The following NBAS variants were observed in gnomAD, a reference collection of about 807,000 sequenced individuals.
The protein encoded by NBAS is NBAS subunit of NRZ tethering complex.
In NBAS, 219 loss-of-function variants were observed where a neutral mutation model predicts 302.5. The observed-to-expected ratio is 0.72, with a 90% CI of 0.65 to 0.81. NBAS has a LOEUF of 0.81. Among genes scored for constraint, NBAS ranks in the 30% least tolerant of loss-of-function variants. NBAS has a pLI of 0.00. For missense variants in NBAS, 2,932 were observed against 2,841.6 expected (o/e 1.03, Z -0.72); for synonymous variants, 1,118 against 1,021.6 (o/e 1.09, Z -1.80).
rs1443899066 is a variant in NBAS at position 15,537,251 on chromosome 2, T to A, written c.514-700A>T. 3.9e-5 allele frequency among the ~76,000 whole-genome samples: 6 copies of A among 152,238 alleles called. 1 individual carries two copies. Among genetic ancestry groups the A allele is most frequent in the Admixed American group, 2.6e-4 (4 of 15,286 alleles). ...TAACTGCCTAAAAACAAGGCAAAAATTTATCTTTGTGACAGTGCTCCTCAG... is the reference window on the plus strand; with the variant it reads ...TAACTGCCTAAAAACAAGGCAAAAAATTATCTTTGTGACAGTGCTCCTCAG... On this transcript the variant is annotated intron_variant, in intron 7 of 51. Coordinates refer to ENST00000281513, the MANE Select transcript of NBAS (RefSeq NM_015909.4).
intron 25 of NBAS, among the ~76,000 whole-genome samples, chr2:15,406,116 C>CAAAAAAAAAAAAAAAAAAAAAA (rs772651880): frequency 7.4e-6 from 1 of 134,528 alleles, no homozygotes; most frequent in African/African-American, 2.8e-5. Flanking sequence ...AAAAAAAAAA[C>CAAAAAAAAAAAAAAAAAAAAAA]AAAACAAAAA....
At chr2:14,982,461 C>T in the NBAS span, among the ~76,000 whole-genome samples, 2 of 152,100 alleles carry the variant, frequency 1.3e-5, no homozygotes, top group African/African-American at 4.8e-5. Context: ...AAGGAAGACA[C>T]GGAGTCCAGG....
At chr2:15,349,058 A>T (rs1350843918) in intron 35 of NBAS, among the ~76,000 whole-genome samples, 1 of 152,232 alleles carries the variant, frequency 6.6e-6, no homozygotes, top group African/African-American at 2.4e-5. Flanking sequence ...AAACTCTATA[A>T]AATAACACTA....
chr2:15,418,016 TACA>T lies in NBAS; in HGVS notation c.2578-307_2578-305del, dbSNP rs528147588. Among the ~76,000 whole-genome samples, 293 of 152,266 alleles carry T rather than the reference TACA, an allele frequency of 1.9e-3. 2 individuals carry two copies. The highest frequency in any genetic ancestry group is 6.5e-3 in the African/African-American group (269 of 41,542). Reference sequence around the variant, plus strand: ...AGCTTTACATATTTCTTTTAATTCTTACAACATTATATTTACATAATAAGAGAA... The same window carrying T: ...AGCTTTACATATTTCTTTTAATTCTTACATTATATTTACATAATAAGAGAA... On this transcript the variant is annotated intron_variant, in intron 23 of 51. Coordinates refer to ENST00000281513, the MANE Select transcript of NBAS (RefSeq NM_015909.4).
the NBAS span, among the ~76,000 whole-genome samples, chr2:14,814,915 A>G: frequency 6.6e-6 from 1 of 152,122 alleles, no homozygotes; most frequent in African/African-American, 2.4e-5. Context: ...ACTGTTTAGC[A>G]CCATCCCCCT....
chr2:15,380,072 T>C (rs1674958030), intron 29 of NBAS, among the ~76,000 whole-genome samples: 1 of 152,170 alleles, frequency 6.6e-6, no homozygotes, highest in African/African-American at 2.4e-5. Flanking sequence ...AATAATTTCA[T>C]TGACTAAACC....
the NBAS span, among the ~76,000 whole-genome samples, chr2:15,066,608 C>T: frequency 3.9e-5 from 6 of 152,260 alleles, no homozygotes; most frequent in South Asian, 2.1e-4. Context: ...TTTAAAAAAT[C>T]GACATCACTA....
At chr2:14,958,545 G>A in the NBAS span, among the ~76,000 whole-genome samples, 2 of 152,264 alleles carry the variant, frequency 1.3e-5, no homozygotes, top group Non-Finnish European at 2.9e-5. Flanking sequence ...TTATATTAGA[G>A]GGATGAGAAA....
At chr2:15,117,716 C>T in the NBAS span, among the ~76,000 whole-genome samples, 1 of 152,226 alleles carries the variant, frequency 6.6e-6, no homozygotes, top group African/African-American at 2.4e-5. Context: ...TCTGGAGGAG[C>T]ACCTCTTCCC....
At chr2:14,877,890 T>C in the NBAS span, among the ~76,000 whole-genome samples, 2 of 152,206 alleles carry the variant, frequency 1.3e-5, no homozygotes, top group Admixed American at 1.3e-4. Context: ...ACCAGTCACC[T>C]TTAACCTTTT....
chr2:15,413,998 A>G lies in NBAS; in HGVS notation c.2937+1548T>C, dbSNP rs192674142. ...GAAGTATAACACACAAGATTACTGGAAAGAATTTAAAGTCACTTCTTTCTT... is the reference window on the plus strand; with the variant it reads ...GAAGTATAACACACAAGATTACTGGGAAGAATTTAAAGTCACTTCTTTCTT... On this transcript the variant is annotated intron_variant, in intron 25 of 51. Transcript: ENST00000281513. Among the ~76,000 whole-genome samples the G allele has an allele frequency of 7.2e-5, 11 of 152,352 alleles. 1 individual carries two copies. In the South Asian group the frequency reaches 1.4e-3, roughly 20 times the overall value.
the NBAS span, among the ~76,000 whole-genome samples, chr2:14,936,134 G>T: frequency 6.6e-6 from 1 of 152,098 alleles, no homozygotes; most frequent in Non-Finnish European, 1.5e-5. Context: ...ATACTAAATT[G>T]CACCAAACCT....
intron 4 of NBAS, among the ~76,000 whole-genome samples, chr2:15,553,813 CCTCTCTCCCTCT>C (rs1372500070): frequency 7.2e-5 from 9 of 125,018 alleles, no homozygotes; most frequent in East Asian, 5.6e-4. Flanking sequence ...TCCCTCCCTC[CCTCTCTCCCTCT>C]CTCTCTCCCT....
chr2:15,141,431 T>C, the NBAS span, among the ~76,000 whole-genome samples: 53 of 152,210 alleles, frequency 3.5e-4, no homozygotes, highest in Non-Finnish European at 6.3e-4. Context: ...CGTGGTCTTA[T>C]CCAGGATGTA....
At chr2:15,464,181 G>A (rs1679628392) in intron 19 of NBAS, among the ~76,000 whole-genome samples, 1 of 152,150 alleles carries the variant, frequency 6.6e-6, no homozygotes, top group East Asian at 1.9e-4. Context: ...TAGATAATTA[G>A]TGCTGTTCAT....
chr2:15,232,432 C>T lies in NBAS; in HGVS notation c.6226G>A (p.Val2076Met). 2 of 1,614,142 alleles carry T rather than the reference C, an allele frequency of 1.2e-6. No individual in the cohort carries two copies. Among genetic ancestry groups the T allele is most frequent in the South Asian group, 1.1e-5 (1 of 91,084 alleles). ...EGVVAAVHAS[V>M]DKGEELVSPE... ...CTGTTCTAGTCTTACCCCTTGTCCA[C>T]ACTGGCGTGGACTGCTGCAACAACA... The change falls in exon 47 of 52, where the codon GTG becomes ATG. Residue 2076 changes from valine (V) to methionine (M), a missense_variant. By Grantham distance (21) the Val-to-Met change is conservative. Transcript: ENST00000281513.
chr2:14,790,542 G>T, the NBAS span, among the ~76,000 whole-genome samples: 1 of 151,568 alleles, frequency 6.6e-6, no homozygotes. Context: ...CTCTAAAAAA[G>T]AAATTGTGTG....
intron 44 of NBAS, among the ~76,000 whole-genome samples, chr2:15,252,673 T>TA (rs1668419796): frequency 1.3e-5 from 2 of 152,034 alleles, no homozygotes; most frequent in Non-Finnish European, 2.9e-5. Flanking sequence ...TTTAACTAAT[T>TA]AAAAAAATAC....
At chr2:15,099,750 A>G in the NBAS span, among the ~76,000 whole-genome samples, 1 of 152,102 alleles carries the variant, frequency 6.6e-6, no homozygotes, top group East Asian at 1.9e-4. Flanking sequence ...CCCTAAGCAG[A>G]CATACATTGG....
Sources: allele counts gnomAD v4.1 joint callset (sites outside exome capture counted in the v4.1 genomes callset), GRCh38; gene constraint gnomAD v4.1.1; transcripts MANE v1.5; gene names NCBI Gene and HGNC (gene_info 2026-07-23, HGNC 2026-07-21).